ASH1L: variants seen among roughly 807,000 people sequenced by gnomAD.
ASH1L encodes the protein ASH1 like histone lysine methyltransferase.
A neutral mutation model predicts 269.0 loss-of-function variants in ASH1L; 23 were observed. The ratio of observed to expected loss-of-function variants is 0.09; its 90% CI spans 0.06 to 0.12. The LOEUF (loss-of-function observed/expected upper bound fraction) is 0.12, where lower values mean the gene tolerates loss of function less well. ASH1L is among the 10% of genes least tolerant of loss of function. The probability of loss-of-function intolerance (pLI) is 1.00; values close to 1 mark genes in which losing one functional copy is unlikely to be tolerated. For synonymous variants in ASH1L, 1,187 were observed against 1,253.5 expected (o/e 0.95, Z 1.12); for missense variants, 2,912 against 3,567.8 (o/e 0.82, Z 4.68).
At position 155,479,395 on chromosome 1, in the gene ASH1L, T is replaced by C. The variant is rs1389330606; in HGVS notation, c.3475A>G (p.Arg1159Gly). 1.2e-5 allele frequency: 20 copies of C among 1,614,016 alleles called. No individual in the cohort carries two copies. The highest frequency in any genetic ancestry group is 1.7e-5 in the Non-Finnish European group (20 of 1,180,010). ...LAMKKASKGR[R>G]RLSPPTLLPN... ...AACAAAGTAGGAGGAGATAACCGCC[T>C]CCTCCCCTTTGAGGCCTTCTTCATT... Residue 1159 changes from arginine (R) to glycine (G), a missense_variant, in exon 3 of 28, where the codon AGG becomes GGG. By Grantham distance (125) the Arg-to-Gly change is moderately radical. Transcript: ENST00000392403.
intron 1 of ASH1L, among the ~76,000 whole-genome samples, chr1:155,552,294 C>T (rs986941447): frequency 7.2e-5 from 11 of 151,972 alleles, no homozygotes; most frequent in Admixed American, 4.6e-4. Context: ...GGTGAAACCC[C>T]GTCTCTACTA....
chr1:155,521,685 G>T, intron 1 of ASH1L, 67 bp from the exon 2 acceptor site: 1 of 542,568 alleles, frequency 1.8e-6, no homozygotes, highest in Non-Finnish European at 3.1e-6. Flanking sequence ...TAAGTAATGG[G>T]TATAGGGGAA....
At chr1:155,495,028 A>C (rs1344270083) in intron 2 of ASH1L, among the ~76,000 whole-genome samples, 1 of 152,242 alleles carries the variant, frequency 6.6e-6, no homozygotes, top group Non-Finnish European at 1.5e-5. Flanking sequence ...TGACAAGTCA[A>C]GTAGAAATGA....
At chr1:155,436,053 AAAAT>A (rs1243245244) in intron 5 of ASH1L, among the ~76,000 whole-genome samples, 3 of 152,326 alleles carry the variant, frequency 2.0e-5, no homozygotes, top group Admixed American at 2.0e-4. Flanking sequence ...TCCATCTCAA[AAAAT>A]AAATAAATAA....
intron 21 of ASH1L, 120 bp downstream of exon 21, chr1:155,346,263 G>A: frequency 6.4e-7 from 1 of 1,556,364 alleles, no homozygotes; most frequent in South Asian, 1.1e-5. Flanking sequence ...AGAAACCAAG[G>A]CCCAGAGAGG....
At chr1:155,409,769 T>C (rs1031616997) in intron 6 of ASH1L, among the ~76,000 whole-genome samples, 1 of 152,196 alleles carries the variant, frequency 6.6e-6, no homozygotes, top group Non-Finnish European at 1.5e-5. Flanking sequence ...CCCAGGCCTC[T>C]GCCAAGATTT....
At chr1:155,558,407 G>C (rs981431055) in intron 1 of ASH1L, among the ~76,000 whole-genome samples, 6 of 152,066 alleles carry the variant, frequency 3.9e-5, no homozygotes, top group African/African-American at 1.4e-4. Context: ...GGAGGCAGAG[G>C]TTGCAGCGAG....
At chr1:155,361,554 C>T (rs1654947115) in intron 12 of ASH1L, among the ~76,000 whole-genome samples, 2 of 137,856 alleles carry the variant, frequency 1.5e-5, no homozygotes, top group South Asian at 4.4e-4. Flanking sequence ...AAAAAATTAG[C>T]CAGGCATGGT....
At chr1:155,451,424 T>C (rs1183123556) in intron 4 of ASH1L, among the ~76,000 whole-genome samples, 2 of 152,154 alleles carry the variant, frequency 1.3e-5, no homozygotes, top group Non-Finnish European at 2.9e-5. Context: ...TGCACAATAA[T>C]GTAAATGTAC....
At position 155,372,867 on chromosome 1, in the gene ASH1L, C is replaced by T. The variant is rs578201730; in HGVS notation, c.6333-1884G>A. 2.2e-4 allele frequency among the ~76,000 whole-genome samples: 33 copies of T among 152,196 alleles called. 1 individual carries two copies. The South Asian group carries it at 6.9e-3, about 32-fold the overall frequency. The stretch of plus-strand genomic sequence containing the variant: ...TTTTATATTACATTAATTGAAATGA[C>T]ATTTCCAGGCTATATGACTAGCTGA... On this transcript the variant is annotated intron_variant, in intron 10 of 27. Transcript: ENST00000392403.
intron 4 of ASH1L, among the ~76,000 whole-genome samples, chr1:155,454,087 G>A (rs1571255636): frequency 6.6e-6 from 1 of 152,036 alleles, no homozygotes. Context: ...CCTGAGCGAC[G>A]GAGCAAGACT....
At chr1:155,461,472 T>C (rs1664297082) in intron 3 of ASH1L, among the ~76,000 whole-genome samples, 1 of 152,176 alleles carries the variant, frequency 6.6e-6, no homozygotes, top group African/African-American at 2.4e-5. Context: ...GCAGCAAGAT[T>C]GTTTATTGTT....
In ASH1L at chr1:155,336,150, G is replaced by A. The variant is rs1000343376; in HGVS notation, c.*1510C>T. Reference sequence around the variant, plus strand: ...TCTCTTTTGTTTTTTCCTCAAGAATGACACAGAAAGGGGAAAAAGGAAAAA... The same window carrying A: ...TCTCTTTTGTTTTTTCCTCAAGAATAACACAGAAAGGGGAAAAAGGAAAAA... On this transcript the variant is annotated 3_prime_UTR_variant, in exon 28 of 28. Coordinates refer to ENST00000392403, the MANE Select transcript of ASH1L (RefSeq NM_018489.3). 2 of 152,414 alleles carry A rather than the reference G, an allele frequency of 1.3e-5. No individual in the cohort carries two copies. Among genetic ancestry groups the A allele is most frequent in the African/African-American group, 2.4e-5 (1 of 41,306 alleles). The allele number at this position is 152,414 out of a possible 1,614,324, so 9.4% of individuals were successfully genotyped here. A position where few individuals can be genotyped will look rare whatever the true frequency, so the allele number is the denominator to read the frequency against.
In ASH1L at chr1:155,562,373, C is replaced by T. The variant is rs564823511; in HGVS notation, c.-320G>A. On this transcript the variant is annotated 5_prime_UTR_variant, in exon 1 of 28. Coordinates refer to ENST00000392403, the MANE Select transcript of ASH1L (RefSeq NM_018489.3). ...AACTGAGGGGAGGCGGGTCCCGCAA[C>T]CGAGACTGGGATCGTCTCCCCTCCG... 2,101 of 1,514,560 alleles carry T rather than the reference C, an allele frequency of 1.4e-3. 3 individuals are homozygous for T. Among genetic ancestry groups the T allele is most frequent in the Non-Finnish European group, 1.7e-3 (1,840 of 1,112,474 alleles). 93.8% of individuals were successfully genotyped at this position (1,514,560 alleles called of 1,614,324 possible). A position where few individuals can be genotyped will look rare whatever the true frequency, so the allele number is the denominator to read the frequency against.
At chr1:155,368,075 A>C (rs1244679218) in intron 12 of ASH1L, among the ~76,000 whole-genome samples, 1 of 152,066 alleles carries the variant, frequency 6.6e-6, no homozygotes, top group Non-Finnish European at 1.5e-5. Flanking sequence ...TGATCACAGG[A>C]AACTACAGCC....
intron 2 of ASH1L, among the ~76,000 whole-genome samples, chr1:155,516,617 A>C (rs1471688130): frequency 6.6e-6 from 1 of 152,020 alleles, no homozygotes; most frequent in African/African-American, 2.4e-5. Context: ...AAACAGCAAG[A>C]CCCCATCTCT....
intron 6 of ASH1L, among the ~76,000 whole-genome samples, chr1:155,402,771 C>T (rs1430543139): frequency 6.6e-6 from 1 of 151,902 alleles, no homozygotes; most frequent in African/African-American, 2.4e-5. Context: ...CTAGGCTGGT[C>T]TCAAACTCCT....
chr1:155,409,993 CGT>C (rs1423233175), intron 6 of ASH1L, among the ~76,000 whole-genome samples: 2 of 151,394 alleles, frequency 1.3e-5, no homozygotes, highest in Non-Finnish European at 2.9e-5. Context: ...TGTGAAACCC[CGT>C]CTCTGCTAAA....
intron 3 of ASH1L, among the ~76,000 whole-genome samples, chr1:155,476,774 C>T (rs1053631205): frequency 1.3e-5 from 2 of 151,930 alleles, no homozygotes; most frequent in Middle Eastern, 3.4e-3. Flanking sequence ...AGGATGGTCT[C>T]GATCTCTTGA....
Sources: allele counts gnomAD v4.1 joint callset (sites outside exome capture counted in the v4.1 genomes callset), GRCh38; gene constraint gnomAD v4.1.1; transcripts MANE v1.5; gene names NCBI Gene and HGNC (gene_info 2026-07-23, HGNC 2026-07-21).